KLHL13: variants seen among roughly 807,000 people sequenced by gnomAD.
KLHL13 encodes kelch-like protein 13.
Under a neutral mutation model 37.1 loss-of-function variants are expected in KLHL13, and 10 were observed. That is an observed-to-expected ratio of 0.27 (90% CI 0.17 to 0.46). KLHL13 has a LOEUF of 0.46. KLHL13 is among the 20% of genes least tolerant of loss of function. The probability of loss-of-function intolerance (pLI) is 1.00; values close to 1 mark genes in which losing one functional copy is unlikely to be tolerated. For missense variants in KLHL13, 360 were observed against 509.3 expected, an observed-to-expected ratio of 0.71 and a Z score of 2.82; for synonymous variants, 163 against 181.2, an observed-to-expected ratio of 0.90 and a Z score of 0.81.
chrX:118,109,374 G>A (rs956448000), intron 1 of KLHL13, among the ~76,000 whole-genome samples: 1 of 111,648 alleles, frequency 9.0e-6, no homozygotes, highest in Non-Finnish European at 1.9e-5. Context: ...GAACAGATTC[G>A]GGCAGTACAG....
exon 5 of KLHL13, chrX:117,909,530 C>T (rs142149590): frequency 8.3e-7 from 1 of 1,211,375 alleles, no homozygotes; most frequent in Non-Finnish European, 1.1e-6. Flanking sequence ...CATGCTGGTA[C>T]CTTGGGGCAT....
intron 1 of KLHL13, among the ~76,000 whole-genome samples, chrX:118,093,627 T>A (rs939654077): frequency 3.6e-5 from 4 of 111,879 alleles, no homozygotes; most frequent in African/African-American, 9.7e-5. Flanking sequence ...TTCAATCAGA[T>A]TGGAAACCAA....
At chrX:118,043,950 C>T (rs185522666) in intron 1 of KLHL13, among the ~76,000 whole-genome samples, 35 of 112,067 alleles carry the variant, frequency 3.1e-4, no homozygotes, top group African/African-American at 1.1e-3. Flanking sequence ...AGAAATCAAA[C>T]TATCCTTGAC....
chrX:118,077,057 C>CCT (rs1282435131), intron 1 of KLHL13, among the ~76,000 whole-genome samples: 1 of 110,932 alleles, frequency 9.0e-6, no homozygotes, highest in Non-Finnish European at 1.9e-5. Context: ...TCCACATCCA[C>CCT]CTCTGTGTTT....
At chrX:118,073,861 C>T (rs1208972106) in intron 1 of KLHL13, among the ~76,000 whole-genome samples, 4 of 111,501 alleles carry the variant, frequency 3.6e-5, no homozygotes, top group African/African-American at 1.3e-4. Flanking sequence ...TCGTATCTGT[C>T]AGGGAGGTCA....
intron 2 of KLHL13, among the ~76,000 whole-genome samples, chrX:117,939,063 T>C (rs1932904895): frequency 9.1e-6 from 1 of 110,130 alleles, no homozygotes; most frequent in African/African-American, 3.3e-5. Flanking sequence ...CTACATTAGG[T>C]ATTTCTCCTA....
chrX:118,002,367 T>C (rs5956840), intron 1 of KLHL13, among the ~76,000 whole-genome samples: 6,960 of 109,369 alleles, frequency 0.064, 543 homozygotes, highest in African/African-American at 0.22. Context: ...GAGGCCGAGG[T>C]GGGCGGATCA....
At chrX:118,017,408 G>A (rs10442517) in intron 1 of KLHL13, among the ~76,000 whole-genome samples, 5,966 of 111,328 alleles carry the variant, frequency 0.054, 391 homozygotes, top group African/African-American at 0.18. Context: ...ATTTGAAAGC[G>A]AAAAGGCAAC....
chrX:118,019,496 A>G (rs1274266208), intron 1 of KLHL13, among the ~76,000 whole-genome samples: 1 of 110,412 alleles, frequency 9.1e-6, no homozygotes, highest in Non-Finnish European at 1.9e-5. Flanking sequence ...CTTTAGTTGA[A>G]TTAGATCCCA....
At chrX:117,961,351 A>G (rs957793319) in intron 1 of KLHL13, among the ~76,000 whole-genome samples, 1 of 112,184 alleles carries the variant, frequency 8.9e-6, no homozygotes, top group Non-Finnish European at 1.9e-5. Context: ...ACAGGAATGC[A>G]AAATTTGTAG....
chrX:118,089,789 A>G (rs1358439993), intron 1 of KLHL13, among the ~76,000 whole-genome samples: 2 of 111,195 alleles, frequency 1.8e-5, no homozygotes, highest in Non-Finnish European at 3.8e-5. Flanking sequence ...TTAAAAAAGT[A>G]TCAATAGGGC....
intron 1 of KLHL13, among the ~76,000 whole-genome samples, chrX:118,089,620 G>GAGAAAGAAAGAA (rs3046168): frequency 0.077 from 5,519 of 71,754 alleles, 266 homozygotes; most frequent in Admixed American, 0.098. Context: ...GAGAAAGAAA[G>GAGAAAGAAAGAA]AGAAAGAAAG....
At chrX:117,959,095 AC>A (rs2053248928) in intron 1 of KLHL13, among the ~76,000 whole-genome samples, 1 of 111,298 alleles carries the variant, frequency 9.0e-6, no homozygotes, top group African/African-American at 3.3e-5. Context: ...TTTAAAAAAA[AC>A]ACTCTAATTG....
At chrX:118,013,897 C>A (rs998379794) in intron 1 of KLHL13, among the ~76,000 whole-genome samples, 1 of 112,465 alleles carries the variant, frequency 8.9e-6, no homozygotes, top group African/African-American at 3.2e-5. Flanking sequence ...GTGAAGATTT[C>A]ATGGACATTT....
rs188332417 is a variant in KLHL13 at position 117,932,644 on chromosome X, C to T, written c.241-12274G>A. On this transcript the variant is annotated intron_variant, in intron 2 of 6. Transcript: ENST00000262820. Reference sequence around the variant, plus strand: ...TAGACAAGCATTTAGTTTAATTCCACGTCTTAGCTATTGTGAACACTACTG... The same window carrying T: ...TAGACAAGCATTTAGTTTAATTCCATGTCTTAGCTATTGTGAACACTACTG... 2.7e-5 allele frequency among the ~76,000 whole-genome samples: 3 copies of T among 111,652 alleles called. No homozygotes were observed. The East Asian group carries it at 8.4e-4, about 31-fold the overall frequency.
chrX:117,909,823 T>C (rs762773199), exon 5 of KLHL13: 15 of 1,210,821 alleles, frequency 1.2e-5, no homozygotes, highest in South Asian at 8.8e-5. Flanking sequence ...GGAAATCGTA[T>C]GTTCTTCATT....
At chrX:117,990,917 A>T (rs767878202) in intron 1 of KLHL13, among the ~76,000 whole-genome samples, 83 of 111,367 alleles carry the variant, frequency 7.5e-4, no homozygotes, top group African/African-American at 2.7e-3. Flanking sequence ...TGGAGGAGAA[A>T]TATCAAGAAT....
intron 1 of KLHL13, among the ~76,000 whole-genome samples, chrX:118,103,316 C>T (rs2055310663): frequency 9.0e-6 from 1 of 111,640 alleles, no homozygotes; most frequent in Admixed American, 9.6e-5. Context: ...GATCACCACA[C>T]CTTTTGCCAT....
rs147510037 is a variant in KLHL13, at chrX:118,056,725, G to C, written c.-56+59783C>G. 7.0e-3 allele frequency among the ~76,000 whole-genome samples: 777 copies of C among 111,117 alleles called. 6 individuals are homozygous for C. The highest frequency in any genetic ancestry group is 0.022 in the African/African-American group (688 of 30,613). ...AAGGCAGCATGGTAATAGGCCTTTA[G>C]AAGCTTAATGACATAGGTTCAGCTG... On this transcript the variant is annotated intron_variant, in intron 1 of 6. Transcript: ENST00000371882.
Sources: gnomAD v4.1 joint callset for allele counts (sites outside exome capture counted in the v4.1 genomes callset) on GRCh38, gnomAD v4.1.1 for gene constraint, MANE v1.5 for transcripts, NCBI Gene and HGNC (gene_info 2026-07-23, HGNC 2026-07-21) for gene names.